Variants in SLC44A1 observed in about 807,000 individuals in gnomAD.
The protein encoded by SLC44A1 is choline transporter-like protein 1.
In SLC44A1, 26 loss-of-function variants were observed where a neutral mutation model predicts 79.3. The ratio of observed to expected loss-of-function variants is 0.33; its 90% CI spans 0.24 to 0.46. SLC44A1 has a LOEUF of 0.46. Ranked by LOEUF, SLC44A1 falls within the 20% of genes least tolerant of loss-of-function variation. The pLI is 1.00. For synonymous variants in SLC44A1, 263 were observed against 286.2 expected (o/e 0.92, Z 0.82); for missense variants, 688 against 798.1 (o/e 0.86, Z 1.66).
At chr9:105,290,586 A>C (rs1410925234) in intron 1 of SLC44A1, among the ~76,000 whole-genome samples, 1 of 152,262 alleles carries the variant, frequency 6.6e-6, no homozygotes, top group Admixed American at 6.5e-5. Context: ...GCCTCTGCCC[A>C]GTAATTATCA....
downstream of SLC44A1, among the ~76,000 whole-genome samples, chr9:105,400,153 C>T (rs540304092): frequency 2.6e-5 from 4 of 151,528 alleles, no homozygotes; most frequent in African/African-American, 4.9e-5. Flanking sequence ...CGAGATCGTG[C>T]CATTGCACTG....
At chr9:105,436,461 G>T (rs923959623) in intron 15 of SLC44A1, among the ~76,000 whole-genome samples, 1 of 152,094 alleles carries the variant, frequency 6.6e-6, no homozygotes, top group African/African-American at 2.4e-5. Flanking sequence ...AGCTTCTATA[G>T]TCCCAGCTAC....
intron 15 of SLC44A1, among the ~76,000 whole-genome samples, chr9:105,434,337 T>A (rs1371879752): frequency 1.3e-5 from 2 of 150,650 alleles, no homozygotes; most frequent in Non-Finnish European, 3.0e-5. Flanking sequence ...CGAGACTCCA[T>A]CTCAAAAAAA....
chr9:105,279,209 G>GTAT (rs2131249066), intron 1 of SLC44A1, among the ~76,000 whole-genome samples: 1 of 149,824 alleles, frequency 6.7e-6, no homozygotes, highest in East Asian at 2.0e-4. Context: ...AAAAAAAAAG[G>GTAT]TATTCAGTAA....
chr9:105,269,411 G>C (rs1309610230), intron 1 of SLC44A1, among the ~76,000 whole-genome samples: 1 of 151,896 alleles, frequency 6.6e-6, no homozygotes, highest in East Asian at 1.9e-4. Context: ...TTCCTCCCAT[G>C]TTATCCCCTG....
rs1829386890 is a variant in SLC44A1 at position 105,244,853 on chromosome 9, C to G, written c.-16C>G. 1 of 1,134,140 alleles carries G rather than the reference C, an allele frequency of 8.8e-7. No homozygotes were observed. The highest frequency in any genetic ancestry group is 1.1e-6 in the Non-Finnish European group (1 of 927,136). 70.3% of individuals were successfully genotyped at this position (1,134,140 alleles called of 1,614,324 possible). On this transcript the variant is annotated 5_prime_UTR_variant, in exon 1 of 16. Transcript: ENST00000374720. ...CTGCGCGCCCGGCGCCGCCTCCGGG[C>G]TCCTTCGGCCCCGCCATGGGCTGCT...
chr9:105,281,892 G>A (rs1018402924), intron 1 of SLC44A1, among the ~76,000 whole-genome samples: 1 of 152,212 alleles, frequency 6.6e-6, no homozygotes, highest in Admixed American at 6.5e-5. Flanking sequence ...TGAAGCCTGT[G>A]ACTGAGAATC....
At chr9:105,278,311 C>A (rs111936918) in intron 1 of SLC44A1, among the ~76,000 whole-genome samples, 1 of 152,012 alleles carries the variant, frequency 6.6e-6, no homozygotes, top group African/African-American at 2.4e-5. Flanking sequence ...TGCAGTGGTG[C>A]GGTCTTGGCT....
chr9:105,333,382 C>G (rs1405748130), intron 3 of SLC44A1, among the ~76,000 whole-genome samples: 3 of 152,114 alleles, frequency 2.0e-5, no homozygotes, highest in Non-Finnish European at 4.4e-5. Context: ...ACCTCCCACC[C>G]CATAGAGAAA....
chr9:105,337,114 C>T (rs1826947659), intron 4 of SLC44A1, among the ~76,000 whole-genome samples: 1 of 152,110 alleles, frequency 6.6e-6, no homozygotes, highest in African/African-American at 2.4e-5. Context: ...ATACCAGCCT[C>T]AACATTATAA....
At chr9:105,344,627 AAC>A (rs1827193155) in intron 4 of SLC44A1, among the ~76,000 whole-genome samples, 1 of 152,196 alleles carries the variant, frequency 6.6e-6, no homozygotes, top group Non-Finnish European at 1.5e-5. Flanking sequence ...AGATATTAAA[AAC>A]AGTTATTTCA....
rs982684591 is a variant in SLC44A1, at chr9:105,244,712, C to T, written c.-157C>T. On this transcript the variant is annotated 5_prime_UTR_variant, in exon 1 of 16. Transcript: ENST00000374720. ...GGCCGGCGCCTGCCTCTAGCCGCGC[C>T]GCCTCTTGAGTACCAGCCGCCGCTG... is the stretch of plus-strand genomic sequence containing the variant. 9.5e-6 allele frequency: 3 copies of T among 317,314 alleles called. No individual in the cohort carries two copies. Among genetic ancestry groups the T allele is most frequent in the Non-Finnish European group, 1.7e-5 (3 of 181,212 alleles). The allele number at this position is 317,314 out of a possible 1,614,324, so 19.7% of individuals were successfully genotyped here.
At chr9:105,247,100 T>G (rs1829473342) in intron 1 of SLC44A1, among the ~76,000 whole-genome samples, 1 of 152,020 alleles carries the variant, frequency 6.6e-6, no homozygotes, top group African/African-American at 2.4e-5. Context: ...ATTTTTTTTT[T>G]TTTTTCTTAT....
At chr9:105,406,753 T>A (rs1264024797) in intron 15 of SLC44A1, among the ~76,000 whole-genome samples, 2 of 151,984 alleles carry the variant, frequency 1.3e-5, no homozygotes, top group African/African-American at 2.4e-5. Flanking sequence ...TTAAAAAAAA[T>A]TTTTTTAAAA....
chr9:105,431,899 G>A lies in SLC44A1; in HGVS notation c.1951-6382G>A, dbSNP rs115772965. Among the ~76,000 whole-genome samples the A allele has an allele frequency of 5.7e-3, 868 of 152,278 alleles. 10 individuals are homozygous for A. Among genetic ancestry groups the A allele is most frequent in the African/African-American group, 0.02 (818 of 41,550 alleles). ...ACTTGCAGCAAAGTTGCCAAAGACA[G>A]TAAGCTGATTGTATGAAGGTATCAT... On this transcript the variant is annotated intron_variant, in intron 15 of 15. Coordinates refer to the SLC44A1 transcript ENST00000374724.
intron 15 of SLC44A1, among the ~76,000 whole-genome samples, chr9:105,424,968 G>T (rs1370653029): frequency 7.1e-6 from 1 of 140,884 alleles, no homozygotes; most frequent in Non-Finnish European, 1.5e-5. Flanking sequence ...AAAAAGAAAA[G>T]AAAGAAAGAA....
At chr9:105,371,547 C>T (rs759905008) in intron 12 of SLC44A1, among the ~76,000 whole-genome samples, 4 of 151,752 alleles carry the variant, frequency 2.6e-5, no homozygotes, top group Non-Finnish European at 4.4e-5. Flanking sequence ...CTAGCTAACA[C>T]GGTGAAACCC....
At chr9:105,368,938 C>T (rs6479315) in intron 12 of SLC44A1, among the ~76,000 whole-genome samples, 31,297 of 151,868 alleles carry the variant, frequency 0.21, 5,055 homozygotes, top group African/African-American at 0.45. Flanking sequence ...CTCCGGAGGC[C>T]GAGGCAGGAG....
chr9:105,411,452 A>ATGTGTGTGTGTG (rs143819316), intron 15 of SLC44A1, among the ~76,000 whole-genome samples: 239 of 127,604 alleles, frequency 1.9e-3, no homozygotes, highest in African/African-American at 4.2e-3. Flanking sequence ...CTCTCTGTGT[A>ATGTGTGTGTGTG]TGTGTGTGTG....
Sources: gnomAD v4.1 joint callset for allele counts (sites outside exome capture counted in the v4.1 genomes callset) on GRCh38, gnomAD v4.1.1 for gene constraint, MANE v1.5 for transcripts, NCBI Gene and HGNC (gene_info 2026-07-23, HGNC 2026-07-21) for gene names.